The following HTR7 variants were observed in gnomAD, a reference collection of about 807,000 sequenced individuals.
The protein encoded by HTR7 is 5-HT-7.
In HTR7, 16 loss-of-function variants were observed where a neutral mutation model predicts 34.0. The observed-to-expected ratio is 0.47, with a 90% confidence interval of 0.32 to 0.71. HTR7 has a LOEUF of 0.71. HTR7 is among the 30% of genes least tolerant of loss of function. The pLI is 0.04. For synonymous variants in HTR7, 265 were observed against 260.2 expected, an observed-to-expected ratio of 1.02 and a Z score of -0.18; for missense variants, 504 against 625.5, an observed-to-expected ratio of 0.81 and a Z score of 2.07.
chr10:90,758,581 T>C (rs923167503), intron 1 of HTR7, among the ~76,000 whole-genome samples: 2 of 151,964 alleles, frequency 1.3e-5, no homozygotes, highest in Non-Finnish European at 2.9e-5. Context: ...TTTAAGTAAA[T>C]AGAGCTGCAA....
At chr10:90,773,316 T>C (rs1589444733) in intron 1 of HTR7, among the ~76,000 whole-genome samples, 1 of 152,270 alleles carries the variant, frequency 6.6e-6, no homozygotes, top group South Asian at 2.1e-4. Flanking sequence ...ATAGGTGTCA[T>C]TCTTTTTTTT....
At chr10:90,830,603 T>G (rs1267080388) in intron 1 of HTR7, among the ~76,000 whole-genome samples, 1 of 151,984 alleles carries the variant, frequency 6.6e-6, no homozygotes, top group Non-Finnish European at 1.5e-5. Flanking sequence ...CTGGGCAACA[T>G]GATGAAACCC....
At chr10:90,817,461 G>A (rs560013685) in intron 1 of HTR7, among the ~76,000 whole-genome samples, 1 of 152,308 alleles carries the variant, frequency 6.6e-6, no homozygotes, top group African/African-American at 2.4e-5. Flanking sequence ...TGAGACATAT[G>A]TTTCCTCTAT....
intron 1 of HTR7, among the ~76,000 whole-genome samples, chr10:90,815,709 T>C (rs1288849550): frequency 6.6e-6 from 1 of 152,044 alleles, no homozygotes; most frequent in Non-Finnish European, 1.5e-5. Context: ...ATCCTGCATA[T>C]GTACTCCTGA....
intron 1 of HTR7, among the ~76,000 whole-genome samples, chr10:90,819,937 GA>G (rs1375484171): frequency 2.0e-5 from 3 of 151,530 alleles, no homozygotes; most frequent in African/African-American, 4.8e-5. Flanking sequence ...TCAGTTGATT[GA>G]AAAAAATACA....
At position 90,740,967 on chromosome 10, in the gene HTR7, C is replaced by T. The variant is rs1045949; in HGVS notation, c.*1515G>A. 0.62 allele frequency: 94,553 copies of T among 152,226 alleles called. 31,278 individuals carry two copies. Among genetic ancestry groups the T allele is most frequent in the African/African-American group, 0.87 (36,008 of 41,410 alleles). The allele number at this position is 152,226 out of a possible 1,614,324, so 9.4% of individuals were successfully genotyped here. On this transcript the variant is annotated 3_prime_UTR_variant, in exon 4 of 4. Coordinates refer to ENST00000336152, the MANE Select transcript of HTR7 (RefSeq NM_019859.4). ...ATGAATATAATATATACGGTCACTT[C>T]AGCAAATTTGCGGTTCAGGAATTTG...
At chr10:90,775,367 G>A (rs1203044885) in intron 1 of HTR7, among the ~76,000 whole-genome samples, 4 of 152,288 alleles carry the variant, frequency 2.6e-5, no homozygotes, top group African/African-American at 9.6e-5. Context: ...GAGTTGAGAG[G>A]TCTCTGTCCC....
intron 1 of HTR7, among the ~76,000 whole-genome samples, chr10:90,770,393 GA>G (rs928809645): frequency 1.3e-5 from 2 of 152,142 alleles, no homozygotes; most frequent in African/African-American, 4.8e-5. Context: ...AGGCTGCAAG[GA>G]GGCATAGCCT....
chr10:90,778,129 G>A (rs1845248464), intron 1 of HTR7, among the ~76,000 whole-genome samples: 1 of 152,146 alleles, frequency 6.6e-6, no homozygotes, highest in Non-Finnish European at 1.5e-5. Flanking sequence ...GTAGACCACT[G>A]GACATAATGA....
At chr10:90,800,911 C>A (rs558920801) in intron 1 of HTR7, among the ~76,000 whole-genome samples, 1 of 152,320 alleles carries the variant, frequency 6.6e-6, no homozygotes, top group South Asian at 2.1e-4. Flanking sequence ...GCAGTCATTT[C>A]ATTAACTCTG....
intron 1 of HTR7, among the ~76,000 whole-genome samples, chr10:90,815,221 A>G (rs1380359213): frequency 6.6e-6 from 1 of 151,804 alleles, no homozygotes; most frequent in Non-Finnish European, 1.5e-5. Flanking sequence ...CCTCATGAGT[A>G]GCTGGGAGTA....
chr10:90,807,729 C>T (rs372206484), intron 1 of HTR7, among the ~76,000 whole-genome samples: 28 of 152,290 alleles, frequency 1.8e-4, no homozygotes, highest in Middle Eastern at 6.8e-3. Context: ...TTCACACGGA[C>T]GCGCATGAAA....
intron 1 of HTR7, among the ~76,000 whole-genome samples, chr10:90,755,275 A>C (rs1282498041): frequency 1.3e-5 from 2 of 152,228 alleles, no homozygotes; most frequent in African/African-American, 4.8e-5. Flanking sequence ...TCCTGTGCTA[A>C]ATGAGATATG....
intron 1 of HTR7, among the ~76,000 whole-genome samples, chr10:90,847,138 T>C (rs540353340): frequency 1.3e-5 from 2 of 152,280 alleles, no homozygotes; most frequent in South Asian, 4.2e-4. Context: ...CCATACAAAC[T>C]GTATGTCCTT....
chr10:90,749,180 G>C lies in HTR7; in HGVS notation c.954C>G (p.Ile318Met). The change falls in exon 2 of 4, where the codon ATC becomes ATG. Residue 318 changes from isoleucine to methionine, a missense_variant. Transcript: ENST00000336152. This position sits in a 1 kb window ranked among gnomAD's most constrained non-coding sequence, Gnocchi z 4.2. Reference protein sequence around the residue: ...LLKHERKNISIFKREQKAATT... With the variant: ...LLKHERKNISMFKREQKAATT... ...TGGCTGCTTTCTGTTCTCGCTTAAA[G>C]ATGGAGATGTTTTTCCTTTCATGCT... 6.2e-7 allele frequency: 1 copy of C among 1,614,136 alleles called. No homozygotes were observed. The highest frequency in any genetic ancestry group is 8.5e-7 in the Non-Finnish European group (1 of 1,180,026).
At chr10:90,784,102 C>G (rs1845346925) in intron 1 of HTR7, among the ~76,000 whole-genome samples, 1 of 152,182 alleles carries the variant, frequency 6.6e-6, no homozygotes, top group South Asian at 2.1e-4. Context: ...CATTATCTGT[C>G]ACAAAATACA....
intron 3 of HTR7, 52 bp from the exon 4 acceptor site, chr10:90,742,580 T>TA (rs759298778): frequency 7.7e-7 from 1 of 1,304,014 alleles, no homozygotes; most frequent in Non-Finnish European, 1.1e-6. Flanking sequence ...ACTGTAAATG[T>TA]GAGTTTTCAT....
intron 1 of HTR7, among the ~76,000 whole-genome samples, chr10:90,803,894 G>A (rs759184597): frequency 3.3e-5 from 5 of 152,264 alleles, no homozygotes; most frequent in Admixed American, 2.6e-4. Flanking sequence ...CTGTGCCTGT[G>A]GCCCTAAATG....
At chr10:90,824,249 A>C (rs1846033600) in intron 1 of HTR7, among the ~76,000 whole-genome samples, 1 of 152,236 alleles carries the variant, frequency 6.6e-6, no homozygotes, top group African/African-American at 2.4e-5. Flanking sequence ...TGCCCAGATG[A>C]CATTTCCAGA....
Sources: allele counts gnomAD v4.1 joint callset (sites outside exome capture counted in the v4.1 genomes callset), GRCh38; gene constraint gnomAD v4.1.1; non-coding constraint Gnocchi (gnomAD v3.1); transcripts MANE v1.5; gene names NCBI Gene and HGNC (gene_info 2026-07-23, HGNC 2026-07-21).